The following SDHA variants were observed in gnomAD, a reference collection of about 807,000 sequenced individuals.
SDHA encodes the protein succinate dehydrogenase [ubiquinone] flavoprotein subunit, mitochondrial.
SDHA carries 48 observed loss-of-function variants against 78.4 expected under a neutral mutation model. That is an observed-to-expected ratio of 0.61 (90% CI 0.49 to 0.78). The LOEUF (loss-of-function observed/expected upper bound fraction) is 0.78. SDHA is among the 30% of genes least tolerant of loss of function. The pLI, the probability that SDHA is intolerant of heterozygous loss-of-function variation, is 0.00. For missense variants in SDHA, 680 were observed against 892.7 expected, an observed-to-expected ratio of 0.76 and a Z score of 3.04; for synonymous variants, 326 against 353.9, an observed-to-expected ratio of 0.92 and a Z score of 0.88.
intron 13 of SDHA, among the ~76,000 whole-genome samples, chr5:252,203 C>T (rs1185907375): frequency 3.5e-5 from 5 of 142,512 alleles, no homozygotes; most frequent in Non-Finnish European, 7.5e-5. Context: ...CGTTTCAAAC[C>T]TGCCCTGTGA....
chr5:263,810 C>T, the SDHA span, among the ~76,000 whole-genome samples: 2 of 152,132 alleles, frequency 1.3e-5, no homozygotes, highest in African/African-American at 2.4e-5. Context: ...CAGCATCTAA[C>T]AAAAGTATGT....
intron 2 of SDHA, 75 bp downstream of exon 2, chr5:223,643 T>A: frequency 9.4e-7 from 1 of 1,062,794 alleles, no homozygotes; most frequent in South Asian, 1.3e-5. Context: ...CAGTTTGTTT[T>A]CATATGAGTC....
intron 1 of SDHA, among the ~76,000 whole-genome samples, chr5:222,257 A>G (rs1734759204): frequency 6.6e-6 from 1 of 151,922 alleles, no homozygotes. Context: ...ATAATAAGTA[A>G]TTTCTGAATT....
chr5:227,861 A>G (rs533780942), intron 5 of SDHA: 4 of 384,128 alleles, frequency 1.0e-5, no homozygotes, highest in African/African-American at 8.4e-5. Context: ...TGCGGACCTC[A>G]CTCTGGCACC....
chr5:231,757 G>C (rs1233176474), intron 7 of SDHA, among the ~76,000 whole-genome samples: 1 of 151,514 alleles, frequency 6.6e-6, no homozygotes, highest in African/African-American at 2.4e-5. Flanking sequence ...AAGCAGCACA[G>C]GCAGACTTCA....
downstream of SDHA, among the ~76,000 whole-genome samples, chr5:261,006 T>C (rs1361101812): frequency 5.6e-3 from 32 of 5,714 alleles, 1 homozygote; most frequent in African/African-American, 6.5e-3. Context: ...CCGCCTCCCG[T>C]CAGAGCATTA....
At chr5:218,914 C>T (rs1734549091) in intron 1 of SDHA, among the ~76,000 whole-genome samples, 1 of 152,146 alleles carries the variant, frequency 6.6e-6, no homozygotes, top group Non-Finnish European at 1.5e-5. Flanking sequence ...TGAGACCGCC[C>T]GGGTGGGTGC....
In SDHA at chr5:218,436, A is replaced by G. The variant is rs2126522991; in HGVS notation, c.63+18A>G. On this transcript the variant is annotated intron_variant, in intron 1 of 14. Transcript: ENST00000264932. ...CCAAGGCGGTGAGTCCGTGCCGCGG[A>G]CCGGGGCGGGGCAGGCGGGGGCCGA... 3.6e-6 allele frequency: 5 copies of G among 1,391,482 alleles called. No individual in the cohort carries two copies. The highest frequency in any genetic ancestry group is 1.6e-5 in the South Asian group (1 of 61,658). The allele number at this position is 1,391,482 out of a possible 1,614,324, so 86.2% of individuals were successfully genotyped here. A position where few individuals can be genotyped will look rare whatever the true frequency, so the allele number is the denominator to read the frequency against.
Position 245,952 on chromosome 5 carries a change from T to A in SDHA, c.1552-5040T>A, listed in dbSNP as rs180961124. On this transcript the variant is annotated intron_variant, in intron 11 of 14. Transcript: ENST00000264932. ...GATCCTAGTCTCACTAGCCCTCGGC[T>A]ATGCCATGAGTAATCTATTTTCTAT... is the stretch of plus-strand genomic sequence containing the variant. 1.5e-4 allele frequency among the ~76,000 whole-genome samples: 23 copies of A among 152,322 alleles called. 1 individual carries two copies. The highest frequency in any genetic ancestry group is 8.3e-4 in the South Asian group (4 of 4,830).
chr5:236,284 A>G, intron 9 of SDHA, 144 bp from the exon 10 acceptor site: 3 of 795,050 alleles, frequency 3.8e-6, no homozygotes, highest in Middle Eastern at 7.0e-4. Context: ...TCAGCCTCCC[A>G]AAGTGCTGAG....
chr5:230,721 A>C (rs1375436582), intron 6 of SDHA, among the ~76,000 whole-genome samples, 155 bp from the exon 7 acceptor site: 2 of 152,088 alleles, frequency 1.3e-5, no homozygotes, highest in African/African-American at 2.4e-5. Flanking sequence ...CGCGGCCCCT[A>C]GTGATATGTG....
the SDHA span, among the ~76,000 whole-genome samples, chr5:266,682 T>C: frequency 6.6e-6 from 1 of 152,070 alleles, no homozygotes; most frequent in Admixed American, 6.6e-5. Flanking sequence ...AGAGGAGATG[T>C]GGATAATTCC....
chr5:251,113 CAG>C lies in SDHA; in HGVS notation c.1663+11_1663+12del, dbSNP rs1488722111. The C allele has an allele frequency of 6.2e-7, 1 of 1,609,322 alleles. No homozygotes were observed. The highest frequency in any genetic ancestry group is 1.3e-5 in the African/African-American group (1 of 74,802). On this transcript the variant is annotated intron_variant, in intron 12 of 14. Transcript: ENST00000264932. Reference sequence around the variant, plus strand: ...AAGACGTTCGACCGGGGTGAGCAGACAGTGGGCTCTGTGCACACTGTTGGGCC... The same window carrying C: ...AAGACGTTCGACCGGGGTGAGCAGACTGGGCTCTGTGCACACTGTTGGGCC...
intron 10 of SDHA, among the ~76,000 whole-genome samples, chr5:237,649 A>G (rs1735866919): frequency 7.5e-6 from 1 of 133,534 alleles, no homozygotes; most frequent in Non-Finnish European, 1.5e-5. Flanking sequence ...TCTTCCCGTT[A>G]CCTTTCTCTG....
At chr5:221,115 A>C (rs1009042033) in intron 1 of SDHA, among the ~76,000 whole-genome samples, 1 of 152,176 alleles carries the variant, frequency 6.6e-6, no homozygotes, top group Non-Finnish European at 1.5e-5. Context: ...GCCCGGCCGA[A>C]CTGTATTTTA....
intron 3 of SDHA, 57 bp from the exon 4 acceptor site, chr5:225,362 G>T (rs369382811): frequency 1.2e-6 from 2 of 1,611,388 alleles, no homozygotes; most frequent in African/African-American, 1.3e-5. Flanking sequence ...ATTTGGGCCT[G>T]GAAGACAAAG....
intron 3 of SDHA, 140 bp from the exon 4 acceptor site, chr5:225,279 T>A: frequency 3.8e-6 from 4 of 1,051,686 alleles, no homozygotes; most frequent in Non-Finnish European, 4.4e-6. Flanking sequence ...TCGCTGCTCC[T>A]CTGCTGAGGT....
intron 10 of SDHA, among the ~76,000 whole-genome samples, chr5:237,216 T>C (rs1191529669): frequency 1.5e-5 from 2 of 135,412 alleles, no homozygotes; most frequent in Non-Finnish European, 1.5e-5. Context: ...TCATTACATA[T>C]TACTTGCCTG....
rs377134185 is a variant in SDHA at position 218,352 on chromosome 5, A to C, written c.-4A>C. 2 of 1,458,530 alleles carry C rather than the reference A, an allele frequency of 1.4e-6. No homozygotes were observed. Among genetic ancestry groups the C allele is most frequent in the Admixed American group, 2.5e-5 (1 of 39,970 alleles). The allele number at this position is 1,458,530 out of a possible 1,614,324, so 90.3% of individuals were successfully genotyped here. ...GGCGGGACTGCGCGGCGGCAACAGC[A>C]GACATGTCGGGGGTCCGGGGCCTGT... On this transcript the variant is annotated 5_prime_UTR_variant, in exon 1 of 15. Coordinates refer to ENST00000264932, the MANE Select transcript of SDHA (RefSeq NM_004168.4).
Sources: gnomAD v4.1 joint callset for allele counts (sites outside exome capture counted in the v4.1 genomes callset) on GRCh38, gnomAD v4.1.1 for gene constraint, MANE v1.5 for transcripts, NCBI Gene and HGNC (gene_info 2026-07-23, HGNC 2026-07-21) for gene names.